Variants in RNF19A observed in about 807,000 individuals in gnomAD.
The protein encoded by RNF19A is E3 ubiquitin-protein ligase RNF19A.
RNF19A carries 32 observed loss-of-function variants against 75.7 expected under a neutral mutation model. The observed-to-expected ratio is 0.42, with a 90% CI of 0.32 to 0.57. RNF19A has a LOEUF of 0.57. Among genes scored for constraint, RNF19A ranks in the 20% least tolerant of loss-of-function variants. The pLI, the probability that RNF19A is intolerant of heterozygous loss-of-function variation, is 0.10. For synonymous variants in RNF19A, 335 were observed against 345.2 expected, an observed-to-expected ratio of 0.97 and a Z score of 0.33; for missense variants, 782 against 1,036.3, an observed-to-expected ratio of 0.75 and a Z score of 3.37.
At chr8:100,282,814 T>C (rs1195070870) in intron 2 of RNF19A, among the ~76,000 whole-genome samples, 1 of 152,220 alleles carries the variant, frequency 6.6e-6, no homozygotes, top group Non-Finnish European at 1.5e-5. Flanking sequence ...AAAATACATG[T>C]TATTTAGTCC....
rs1190839934 is a variant in RNF19A at position 100,329,472 on chromosome 8, G to C, written c.-243+6636C>G. Among the ~76,000 whole-genome samples the C allele has an allele frequency of 6.6e-6, 1 of 152,176 alleles. No homozygotes were observed. The highest frequency in any genetic ancestry group is 2.4e-5 in the African/African-American group (1 of 41,444). On this transcript the variant is annotated intron_variant, in intron 1 of 3. Coordinates refer to the RNF19A transcript ENST00000519527. This position sits in a 1 kb window ranked among gnomAD's most constrained non-coding sequence, Gnocchi z 4.3. ...ACAAACAAACAAACAAAAAAAGTCA[G>C]TGAATCTTAGGTTGCATTAGCAAAG...
intron 5 of RNF19A, among the ~76,000 whole-genome samples, chr8:100,268,344 G>A (rs779507428): frequency 4.0e-5 from 6 of 151,684 alleles, no homozygotes; most frequent in African/African-American, 9.7e-5. Context: ...ATTAAAAGCA[G>A]TAATCCAAAA....
intron 1 of RNF19A, among the ~76,000 whole-genome samples, chr8:100,328,741 A>G (rs1274285200): frequency 1.3e-5 from 2 of 152,208 alleles, no homozygotes; most frequent in Non-Finnish European, 2.9e-5. Flanking sequence ...AAGTGCTGGC[A>G]TTACAGGCGT....
rs569174028 is a variant in RNF19A at position 100,326,281 on chromosome 8, A to G, written c.-243+9827T>C. Among the ~76,000 whole-genome samples, 3 of 152,184 alleles carry G rather than the reference A, an allele frequency of 2.0e-5. No homozygotes were observed. In the South Asian group the frequency reaches 6.2e-4, roughly 32 times the overall value. The stretch of plus-strand genomic sequence containing the variant: ...AAAATGCTGATTCAATTCTCTTTAA[A>G]TGCATACCACCTAACCTCAGTTTAG... On this transcript the variant is annotated intron_variant, in intron 1 of 3. Transcript: ENST00000519527.
At chr8:100,316,590 T>C (rs1164234288) in intron 1 of RNF19A, among the ~76,000 whole-genome samples, 2 of 152,070 alleles carry the variant, frequency 1.3e-5, no homozygotes, top group African/African-American at 4.8e-5. Flanking sequence ...AGAGCGTCGA[T>C]TGGTGCACTC....
chr8:100,287,842 T>C lies in RNF19A; in HGVS notation c.333A>G (p.Thr111=), dbSNP rs1272040624. ...MCTDKNSIFS[T]NTSSDNGLTS... ...TTAATCCATTGTCAGAAGAGGTATT[T>C]GTAGAGAAAATGGAGTTCTTATCAG... is the stretch of plus-strand genomic sequence containing the variant. The change falls in exon 2 of 10, where the codon ACA becomes ACG. Residue 111 remains threonine (T), a synonymous_variant. Coordinates refer to ENST00000341084, the MANE Select transcript of RNF19A (RefSeq NM_183419.4). The surrounding 1 kb of genome is among the most constrained non-coding windows in gnomAD (Gnocchi z 4.1). The C allele has an allele frequency of 1.2e-6, 2 of 1,614,214 alleles. No homozygotes were observed. Among genetic ancestry groups the C allele is most frequent in the Non-Finnish European group, 1.7e-6 (2 of 1,180,034 alleles).
intron 2 of RNF19A, among the ~76,000 whole-genome samples, chr8:100,277,182 A>G (rs2129749061): frequency 6.6e-6 from 1 of 152,340 alleles, no homozygotes; most frequent in South Asian, 2.1e-4. Flanking sequence ...GAGTTTTCAG[A>G]GCTGTCAATA....
intron 1 of RNF19A, among the ~76,000 whole-genome samples, chr8:100,298,947 G>A (rs1237877415): frequency 6.6e-6 from 1 of 152,198 alleles, no homozygotes; most frequent in African/African-American, 2.4e-5. Flanking sequence ...AGTGCCCAGA[G>A]ACATGTAAGT....
In RNF19A at chr8:100,306,139, C is replaced by T. The variant is rs113783825; in HGVS notation, c.-94+3728G>A. Among the ~76,000 whole-genome samples the T allele has an allele frequency of 7.8e-4, 119 of 152,216 alleles. 2 individuals are homozygous for T. In the South Asian group the frequency reaches 0.011, roughly 14 times the overall value. ...ACTATTTTTATCCTCAGGGGTCTCC[C>T]CAACAGGACAGAAGTTAAAAATGCT... On this transcript the variant is annotated intron_variant, in intron 1 of 9. Transcript: ENST00000341084.
chr8:100,264,380 T>C lies in RNF19A; in HGVS notation c.1307-185A>G. ...TTAAGCAAATTCAAGGTTCCCAGCC[T>C]TTCAGGTAATGCACATAAGGGGAAA... On this transcript the variant is annotated intron_variant, in intron 6 of 9. Coordinates refer to ENST00000341084, the MANE Select transcript of RNF19A (RefSeq NM_183419.4). The surrounding 1 kb of genome is among the most constrained non-coding windows in gnomAD (Gnocchi z 4.7). 1.6e-6 allele frequency: 1 copy of C among 608,246 alleles called. No individual in the cohort carries two copies. The highest frequency in any genetic ancestry group is 2.8e-6 in the Non-Finnish European group (1 of 354,520). 37.7% of individuals were successfully genotyped at this position (608,246 alleles called of 1,614,324 possible). A position where few individuals can be genotyped will look rare whatever the true frequency, so the allele number is the denominator to read the frequency against.
Position 100,287,395 on chromosome 8 carries a change from G to C in RNF19A, c.674+106C>G. On this transcript the variant is annotated intron_variant, in intron 2 of 9. Transcript: ENST00000341084. This position sits in a 1 kb window ranked among gnomAD's most constrained non-coding sequence, Gnocchi z 4.1. ...ATGGTGTGCACTCAACATGTCTGTT[G>C]AATGAATTCTCCAGCATGTAAAAAT... The C allele has an allele frequency of 2.0e-6, 2 of 992,426 alleles. No homozygotes were observed. The highest frequency in any genetic ancestry group is 3.0e-6 in the Non-Finnish European group (2 of 677,774). The allele number at this position is 992,426 out of a possible 1,614,324, so 61.5% of individuals were successfully genotyped here.
At chr8:100,273,089 ACTC>A (rs1820337308) in intron 3 of RNF19A, among the ~76,000 whole-genome samples, 2 of 151,238 alleles carry the variant, frequency 1.3e-5, no homozygotes, top group African/African-American at 4.9e-5. Flanking sequence ...CTGGTCTCGA[ACTC>A]CTGGGCTCAA....
At chr8:100,309,790 G>A (rs1822226004) in intron 1 of RNF19A, 77 bp downstream of exon 1, 3 of 985,606 alleles carry the variant, frequency 3.0e-6, no homozygotes, top group Non-Finnish European at 3.6e-6. Context: ...CCCGGCCAGA[G>A]CTCCCTGGGT....
rs558232235 is a variant in RNF19A, at chr8:100,294,549, T to C, written c.-93-6282A>G. 2.9e-4 allele frequency among the ~76,000 whole-genome samples: 44 copies of C among 152,274 alleles called. No individual in the cohort carries two copies. In the South Asian group the frequency reaches 7.7e-3, roughly 27 times the overall value. ...TTACTTACCATAACTCCCTCCTTTC[T>C]GCGATTTATCCTATTTCTGGCCACT... On this transcript the variant is annotated intron_variant, in intron 1 of 9. Transcript: ENST00000341084.
intron 1 of RNF19A, among the ~76,000 whole-genome samples, chr8:100,292,479 T>C (rs960397696): frequency 2.6e-5 from 4 of 151,146 alleles, no homozygotes; most frequent in Non-Finnish European, 4.4e-5. Flanking sequence ...TACGTATAAA[T>C]TGTATTTGAC....
At chr8:100,273,790 T>C (rs1049768684) in intron 3 of RNF19A, among the ~76,000 whole-genome samples, 4 of 151,848 alleles carry the variant, frequency 2.6e-5, no homozygotes, top group East Asian at 3.9e-4. Context: ...TTATCATCAT[T>C]ATTATTTTTT....
chr8:100,270,105 C>A, intron 3 of RNF19A, 92 bp from the exon 4 acceptor site: 1 of 1,113,018 alleles, frequency 9.0e-7, no homozygotes, highest in Non-Finnish European at 1.2e-6. Flanking sequence ...GTCAAAAAAT[C>A]TTAAGATGTA....
At chr8:100,262,522 T>C (rs1276481624) in intron 7 of RNF19A, among the ~76,000 whole-genome samples, 2 of 152,060 alleles carry the variant, frequency 1.3e-5, no homozygotes, top group Admixed American at 6.5e-5. Flanking sequence ...AAGAGTGGTA[T>C]AAAATAAGAG....
At chr8:100,265,095 T>A (rs970558282) in intron 5 of RNF19A, among the ~76,000 whole-genome samples, 3 of 152,146 alleles carry the variant, frequency 2.0e-5, no homozygotes, top group African/African-American at 7.2e-5. Context: ...AGGAAGAAAT[T>A]AAGATTATTA....
Sources: allele counts gnomAD v4.1 joint callset (sites outside exome capture counted in the v4.1 genomes callset), GRCh38; gene constraint gnomAD v4.1.1; non-coding constraint Gnocchi (gnomAD v3.1); transcripts MANE v1.5; gene names NCBI Gene and HGNC (gene_info 2026-07-23, HGNC 2026-07-21).